FGF13: variants seen among roughly 807,000 people sequenced by gnomAD.
The protein encoded by FGF13 is fibroblast growth factor 13.
Under a neutral mutation model 19.5 loss-of-function variants are expected in FGF13, and 2 were observed. The ratio of observed to expected loss-of-function variants is 0.10; its 90% confidence interval spans 0.04 to 0.32. FGF13 has a LOEUF of 0.32. Ranked by LOEUF, FGF13 falls within the 10% of genes least tolerant of loss-of-function variation. The probability of loss-of-function intolerance (pLI) is 1.00; values close to 1 mark genes in which losing one functional copy is unlikely to be tolerated. For missense variants in FGF13, 113 were observed against 192.7 expected (o/e 0.59, Z 2.45); for synonymous variants, 72 against 76.9 (o/e 0.94, Z 0.33).
chrX:139,158,211 A>ATTTTT lies in FGF13; in HGVS notation c.-113+45200_-113+45204dup, dbSNP rs34372473. Among the ~76,000 whole-genome samples the ATTTTT allele has an allele frequency of 6.7e-3, 688 of 101,930 alleles. 3 individuals are homozygous for ATTTTT. The highest frequency in any genetic ancestry group is 0.023 in the African/African-American group (641 of 27,595). 88.5% of individuals were successfully genotyped at this position (101,930 alleles called of 115,157 possible). On this transcript the variant is annotated intron_variant, in intron 1 of 2. Coordinates refer to the FGF13 transcript ENST00000421460. ...GGGCAGACACCTAGCTAGCTGCAGCATTTTTTTTTTTTGATATCCCAGTGG... is the reference window on the plus strand; with the variant it reads ...GGGCAGACACCTAGCTAGCTGCAGCATTTTTTTTTTTTTTTTTGATATCCCAGTGG...
chrX:139,054,117 C>T (rs72616260), intron 1 of FGF13, among the ~76,000 whole-genome samples: 5 of 33,969 alleles, frequency 1.5e-4, no homozygotes, highest in Admixed American at 4.5e-4. Context: ...GTCTACGTGC[C>T]TTTTTTTTTT....
At chrX:138,995,037 G>A (rs755308367) in intron 1 of FGF13, among the ~76,000 whole-genome samples, 2 of 106,994 alleles carry the variant, frequency 1.9e-5, no homozygotes, top group South Asian at 4.2e-4. Context: ...ACAGTACCTC[G>A]TGTTAACATT....
chrX:139,131,732 G>A (rs965281698), intron 1 of FGF13, among the ~76,000 whole-genome samples: 2 of 111,144 alleles, frequency 1.8e-5, no homozygotes, highest in Admixed American at 9.6e-5. Flanking sequence ...GCATGACCCT[G>A]TCTCAAAAAA....
At chrX:138,852,317 T>C (rs763243007) in intron 3 of FGF13, among the ~76,000 whole-genome samples, 16 of 111,423 alleles carry the variant, frequency 1.4e-4, no homozygotes, top group African/African-American at 4.9e-4. Context: ...CTTCAAAGTA[T>C]ACTGTAACGG....
intron 1 of FGF13, among the ~76,000 whole-genome samples, chrX:138,933,556 C>T (rs1160831372): frequency 8.9e-6 from 1 of 112,077 alleles, no homozygotes; most frequent in Non-Finnish European, 1.9e-5. Context: ...CTAAGTTTCA[C>T]TTTTGGAAGT....
chrX:138,813,719 C>A (rs1164910302), intron 3 of FGF13, among the ~76,000 whole-genome samples: 1 of 112,104 alleles, frequency 8.9e-6, no homozygotes, highest in Non-Finnish European at 1.9e-5. Flanking sequence ...TTTTAAGACT[C>A]AGTGCAGAAT....
At chrX:138,964,881 C>G (rs1331652012) in intron 1 of FGF13, among the ~76,000 whole-genome samples, 1 of 111,484 alleles carries the variant, frequency 9.0e-6, no homozygotes, top group African/African-American at 3.3e-5. Flanking sequence ...ATGGCCCAAA[C>G]ATGTCCCACC....
At chrX:139,088,707 AT>A (rs1199005368) in intron 1 of FGF13, among the ~76,000 whole-genome samples, 3 of 110,382 alleles carry the variant, frequency 2.7e-5, no homozygotes, top group Admixed American at 9.7e-5. Context: ...GATTTTCCAC[AT>A]TTTTTTTTCC....
intron 2 of FGF13, among the ~76,000 whole-genome samples, chrX:138,862,892 A>G (rs772780812): frequency 3.9e-4 from 44 of 111,628 alleles, no homozygotes; most frequent in African/African-American, 1.4e-3. Context: ...CATCCATCCT[A>G]TGTTTCTTCA....
In FGF13 at chrX:138,711,112, TCTC is replaced by T; in HGVS notation, c.-112_-110del. On this transcript the variant is annotated 5_prime_UTR_variant, in exon 1 of 5. Coordinates refer to ENST00000315930, the MANE Select transcript of FGF13 (RefSeq NM_004114.5). ...CTGTCTCGCGACTTCGCCGCTTTGG[TCTC>T]CTTAGCCTGCGTTTGCCCGGGCTTC... The T allele has an allele frequency of 8.8e-7, 1 of 1,142,646 alleles. No individual in the cohort carries two copies. Among genetic ancestry groups the T allele is most frequent in the Non-Finnish European group, 1.2e-6 (1 of 865,912 alleles). The allele number at this position is 1,142,646 out of a possible 1,213,427, so 94.2% of individuals were successfully genotyped here. A position where few individuals can be genotyped will look rare whatever the true frequency, so the allele number is the denominator to read the frequency against.
At chrX:138,896,355 TA>T (rs1252870629) in intron 1 of FGF13, among the ~76,000 whole-genome samples, 1 of 111,676 alleles carries the variant, frequency 9.0e-6, no homozygotes, top group Non-Finnish European at 1.9e-5. Flanking sequence ...AATACTATGA[TA>T]GGGGAATTAA....
At chrX:138,642,728 A>C (rs1186837228) in intron 3 of FGF13, among the ~76,000 whole-genome samples, 1 of 112,218 alleles carries the variant, frequency 8.9e-6, no homozygotes, top group Non-Finnish European at 1.9e-5. Flanking sequence ...CTCTCCTTCA[A>C]GCTTGGTTCT....
In FGF13 at chrX:138,932,970, T is replaced by G. The variant is rs188727433; in HGVS notation, c.-112-68320A>C. Among the ~76,000 whole-genome samples, 573 of 111,553 alleles carry G rather than the reference T, an allele frequency of 5.1e-3. 4 individuals carry two copies. Among genetic ancestry groups the G allele is most frequent in the Non-Finnish European group, 8.1e-3 (430 of 53,117 alleles). ...TAACGCTAAATTTTAGGCCCACCTC[T>G]GCCACTTAATATGTGAGACCTAGGG... is the stretch of plus-strand genomic sequence containing the variant. On this transcript the variant is annotated intron_variant, in intron 1 of 2. Coordinates refer to the FGF13 transcript ENST00000421460.
chrX:138,660,802 C>T (rs2089483436), intron 3 of FGF13, among the ~76,000 whole-genome samples: 1 of 111,412 alleles, frequency 9.0e-6, no homozygotes, highest in African/African-American at 3.3e-5. Flanking sequence ...TTTTCTATGG[C>T]AAATATTTTA....
chrX:138,926,891 G>A (rs2091676818), intron 1 of FGF13, among the ~76,000 whole-genome samples: 1 of 111,702 alleles, frequency 9.0e-6, no homozygotes, highest in South Asian at 3.8e-4. Flanking sequence ...GGGAGGCAGA[G>A]GTTGTAGTGA....
At chrX:138,835,367 G>T (rs1004246028) in intron 3 of FGF13, among the ~76,000 whole-genome samples, 1 of 112,228 alleles carries the variant, frequency 8.9e-6, no homozygotes, top group Non-Finnish European at 1.9e-5. Context: ...AGGATAGTTA[G>T]ATCTTCTTGT....
At chrX:138,926,319 C>T (rs552669777) in intron 1 of FGF13, among the ~76,000 whole-genome samples, 1 of 112,386 alleles carries the variant, frequency 8.9e-6, no homozygotes, top group African/African-American at 3.2e-5. Context: ...CACAGCATGA[C>T]CCAAACAAAG....
intron 1 of FGF13, among the ~76,000 whole-genome samples, chrX:138,734,351 GT>G (rs199878886): frequency 1.3e-4 from 14 of 109,443 alleles, no homozygotes; most frequent in African/African-American, 3.6e-4. Flanking sequence ...ACCCAATCAG[GT>G]TTTTTTTTCA....
intron 3 of FGF13, among the ~76,000 whole-genome samples, chrX:138,674,647 T>A (rs1221180043): frequency 1.8e-5 from 2 of 110,288 alleles, no homozygotes; most frequent in African/African-American, 3.3e-5. Context: ...AAATTTGAAG[T>A]CTGAGAACAA....
Sources: gnomAD v4.1 joint callset for allele counts (sites outside exome capture counted in the v4.1 genomes callset) on GRCh38, gnomAD v4.1.1 for gene constraint, MANE v1.5 for transcripts, NCBI Gene and HGNC (gene_info 2026-07-23, HGNC 2026-07-21) for gene names.